HDAC9: variants seen among roughly 807,000 people sequenced by gnomAD.
The protein encoded by HDAC9 is MEF-2 interacting transcription repressor (MITR) protein.
HDAC9 carries 41 observed loss-of-function variants against 139.4 expected under a neutral mutation model. The observed-to-expected ratio is 0.29, with a 90% CI of 0.23 to 0.38. The LOEUF (loss-of-function observed/expected upper bound fraction) is 0.38, where lower values mean the gene tolerates loss of function less well. Among genes scored for constraint, HDAC9 ranks in the 10% least tolerant of loss-of-function variants. The pLI, the probability that HDAC9 is intolerant of heterozygous loss-of-function variation, is 1.00. For missense variants in HDAC9, 1,147 were observed against 1,297.0 expected (o/e 0.88, Z 1.78); for synonymous variants, 517 against 476.2 (o/e 1.09, Z -1.12).
chr7:18,744,763 A>T (rs1231299284), intron 13 of HDAC9, among the ~76,000 whole-genome samples: 1 of 152,196 alleles, frequency 6.6e-6, no homozygotes, highest in Non-Finnish European at 1.5e-5. Flanking sequence ...CAAATACATT[A>T]TCTCATTTAA....
At chr7:18,873,045 A>T (rs1799051992) in intron 21 of HDAC9, among the ~76,000 whole-genome samples, 1 of 152,122 alleles carries the variant, frequency 6.6e-6, no homozygotes, top group South Asian at 2.1e-4. Flanking sequence ...TAATATCCCA[A>T]CATACACCAC....
intron 6 of HDAC9, among the ~76,000 whole-genome samples, chr7:18,620,357 CA>C (rs1250300899): frequency 6.6e-6 from 1 of 151,816 alleles, no homozygotes; most frequent in Non-Finnish European, 1.5e-5. Flanking sequence ...AACTGAATCA[CA>C]CTGATTAAAG....
chr7:18,482,299 C>A (rs1795617154), intron 1 of HDAC9, among the ~76,000 whole-genome samples: 1 of 138,658 alleles, frequency 7.2e-6, no homozygotes, highest in African/African-American at 2.7e-5. Flanking sequence ...ATTTCAGCTG[C>A]TTGAGAGGTT....
intron 2 of HDAC9, among the ~76,000 whole-genome samples, chr7:18,551,943 T>A (rs1170649382): frequency 6.6e-6 from 1 of 152,216 alleles, no homozygotes; most frequent in Non-Finnish European, 1.5e-5. Flanking sequence ...ATATTAAGCA[T>A]CTTATCTTTA....
chr7:18,859,513 G>A (rs1585169746), intron 21 of HDAC9, among the ~76,000 whole-genome samples: 2 of 150,646 alleles, frequency 1.3e-5, no homozygotes, highest in Middle Eastern at 3.4e-3. Context: ...AAATGAGCTT[G>A]CCTTTTGTCT....
In HDAC9 at chr7:18,676,822, A is replaced by C. The variant is rs184725656; in HGVS notation, c.1731+10346A>C. 2.0e-5 allele frequency among the ~76,000 whole-genome samples: 3 copies of C among 151,882 alleles called. No individual in the cohort carries two copies. In the South Asian group the frequency reaches 6.2e-4, roughly 32 times the overall value. On this transcript the variant is annotated intron_variant, in intron 12 of 25. Transcript: ENST00000686413. Reference sequence around the variant, plus strand: ...AACCTTTTTCTGGATATGGAAGCAGATAATATTTTCTTCCTTAAAAGGGAC... The same window carrying C: ...AACCTTTTTCTGGATATGGAAGCAGCTAATATTTTCTTCCTTAAAAGGGAC...
At chr7:18,850,736 A>G (rs1204134995) in intron 21 of HDAC9, among the ~76,000 whole-genome samples, 1 of 152,176 alleles carries the variant, frequency 6.6e-6, no homozygotes, top group East Asian at 1.9e-4. Context: ...TGGATGGCCC[A>G]TAAACAACAG....
intron 2 of HDAC9, among the ~76,000 whole-genome samples, chr7:18,573,556 C>G (rs897149587): frequency 6.6e-6 from 1 of 152,188 alleles, no homozygotes; most frequent in African/African-American, 2.4e-5. Context: ...TGCTGCCAGC[C>G]CAGAACCCAC....
At chr7:18,681,695 C>A (rs1241592130) in intron 12 of HDAC9, among the ~76,000 whole-genome samples, 2 of 152,006 alleles carry the variant, frequency 1.3e-5, no homozygotes, top group African/African-American at 4.8e-5. Context: ...TAGATACATG[C>A]ACAGTTTAGA....
At chr7:18,744,963 T>C (rs962260690) in intron 13 of HDAC9, among the ~76,000 whole-genome samples, 31 of 152,198 alleles carry the variant, frequency 2.0e-4, no homozygotes, top group African/African-American at 7.5e-4. Flanking sequence ...CCTTTGTGTA[T>C]TTTTCAAATT....
At chr7:18,593,761 G>A (rs1831649517) in intron 5 of HDAC9, 147 bp from the exon 6 acceptor site, 1 of 763,264 alleles carries the variant, frequency 1.3e-6, no homozygotes, top group South Asian at 1.8e-5. Context: ...AGTGAACTTG[G>A]TTATGTGAGG....
At chr7:18,103,590 C>T (rs1035181474) in intron 1 of HDAC9, among the ~76,000 whole-genome samples, 1 of 152,096 alleles carries the variant, frequency 6.6e-6, no homozygotes, top group Non-Finnish European at 1.5e-5. Context: ...CTAACTAAGC[C>T]ACTGTTATTT....
intron 1 of HDAC9, among the ~76,000 whole-genome samples, chr7:18,370,566 T>G (rs1784518707): frequency 6.6e-6 from 1 of 152,160 alleles, no homozygotes; most frequent in Non-Finnish European, 1.5e-5. Flanking sequence ...GAACACTGCT[T>G]TTTATAATAT....
chr7:18,536,577 A>G (rs1305897346), intron 2 of HDAC9, among the ~76,000 whole-genome samples: 1 of 152,220 alleles, frequency 6.6e-6, no homozygotes, highest in Non-Finnish European at 1.5e-5. Flanking sequence ...GATCATGTAT[A>G]TGTTTAAGAA....
At chr7:18,503,049 A>G (rs1037224971) in intron 2 of HDAC9, among the ~76,000 whole-genome samples, 2 of 146,882 alleles carry the variant, frequency 1.4e-5, no homozygotes, top group Admixed American at 6.6e-5. Flanking sequence ...AATGATAAGC[A>G]CTACATTTTA....
Position 18,629,458 on chromosome 7 carries a change from A to G in HDAC9, c.773A>G (p.Lys258Arg). The G allele has an allele frequency of 6.2e-7, 1 of 1,612,464 alleles. No individual in the cohort carries two copies. The highest frequency in any genetic ancestry group is 8.5e-7 in the Non-Finnish European group (1 of 1,178,940). Reference sequence around the variant, plus strand: ...GATGGAAATGTTGTCACTTCATTCAAGAAGCGAATGTTTGAGGTGACAGGT... The same window carrying G: ...GATGGAAATGTTGTCACTTCATTCAGGAAGCGAATGTTTGAGGTGACAGGT... ...RKDGNVVTSF[K>R]KRMFEVTESS... The change falls in exon 7 of 26, where the codon AAG becomes AGG. Residue 258 changes from lysine to arginine, a missense_variant. Transcript: ENST00000686413.
intron 1 of HDAC9, among the ~76,000 whole-genome samples, chr7:18,312,419 T>G (rs1799378052): frequency 2.0e-5 from 3 of 152,186 alleles, no homozygotes; most frequent in Non-Finnish European, 1.5e-5. Flanking sequence ...TTGAATTTAT[T>G]CCTCTTATTT....
chr7:18,808,318 T>C (rs1410115339), intron 17 of HDAC9: 1 of 152,200 alleles, frequency 6.6e-6, no homozygotes, highest in African/African-American at 2.4e-5. Flanking sequence ...ACTGCAAGCC[T>C]AGTTAGAGAA....
chr7:18,668,543 T>C (rs1320480859), intron 12 of HDAC9: 1 of 977,924 alleles, frequency 1.0e-6, no homozygotes, highest in Non-Finnish European at 1.2e-6. Flanking sequence ...AAAAAAACTA[T>C]TTTTTATAAT....
Sources: allele counts gnomAD v4.1 joint callset (sites outside exome capture counted in the v4.1 genomes callset), GRCh38; gene constraint gnomAD v4.1.1; transcripts MANE v1.5; gene names NCBI Gene and HGNC (gene_info 2026-07-23, HGNC 2026-07-21).